The following APOLD1 variants were observed in gnomAD, a reference collection of about 807,000 sequenced individuals.
APOLD1 encodes apolipoprotein L domain containing 1.
Under a neutral mutation model 15.3 loss-of-function variants are expected in APOLD1, and 22 were observed. That is an observed-to-expected ratio of 1.44 (90% CI 1.03 to 2.05). The LOEUF (loss-of-function observed/expected upper bound fraction) is 2.05, where lower values mean the gene tolerates loss of function less well. Ranked by LOEUF, APOLD1 falls within the 30% of genes most tolerant of loss-of-function variation. The probability of loss-of-function intolerance (pLI) is 0.00; values close to 1 mark genes in which losing one functional copy is unlikely to be tolerated. For synonymous variants in APOLD1, 190 were observed against 167.4 expected, an observed-to-expected ratio of 1.13 and a Z score of -1.04; for missense variants, 394 against 353.5, an observed-to-expected ratio of 1.11 and a Z score of -0.92.
chr12:12,785,500 C>G, upstream of APOLD1: 1 of 800,614 alleles, frequency 1.2e-6, no homozygotes, highest in Non-Finnish European at 2.0e-6. Context: ...ACGGGATGTG[C>G]TGTGCTGGCA....
intron 1 of APOLD1, among the ~76,000 whole-genome samples, chr12:12,775,445 C>A: frequency 6.6e-6 from 1 of 152,090 alleles, no homozygotes; most frequent in East Asian, 1.9e-4. Context: ...AAACTGCAGA[C>A]TTTGGGCCAA....
At chr12:12,725,938 G>T in exon 1 of APOLD1, 2 of 1,346,242 alleles carry the variant, frequency 1.5e-6, no homozygotes, top group East Asian at 5.6e-5. Context: ...AGGCGGGGGT[G>T]CGCGGGGCGG....
chr12:12,730,491 G>T (rs1946629996), intron 1 of APOLD1, among the ~76,000 whole-genome samples: 1 of 151,502 alleles, frequency 6.6e-6, no homozygotes, highest in African/African-American at 2.4e-5. Flanking sequence ...GACCAGTCTG[G>T]ACAACATGGT....
At chr12:12,779,030 C>T (rs1220812170) in intron 1 of APOLD1, among the ~76,000 whole-genome samples, 1 of 152,162 alleles carries the variant, frequency 6.6e-6, no homozygotes, top group African/African-American at 2.4e-5. Context: ...TCCCTGCTTC[C>T]CACTTTATGT....
chr12:12,736,622 C>A (rs1230002483), intron 1 of APOLD1, among the ~76,000 whole-genome samples: 1 of 152,188 alleles, frequency 6.6e-6, no homozygotes, highest in Non-Finnish European at 1.5e-5. Flanking sequence ...TAATTGAAAT[C>A]CTTAGTCTTA....
At chr12:12,725,987 C>CA in exon 1 of APOLD1, 1 of 1,495,384 alleles carries the variant, frequency 6.7e-7, no homozygotes, top group Non-Finnish European at 8.9e-7. Flanking sequence ...AGATGTAACC[C>CA]AACTCGTTCA....
intron 1 of APOLD1, among the ~76,000 whole-genome samples, chr12:12,746,286 A>G (rs888404984): frequency 2.0e-5 from 3 of 152,224 alleles, no homozygotes; most frequent in African/African-American, 7.2e-5. Flanking sequence ...ACCTGAGGTC[A>G]GGAGTTCGAG....
intron 1 of APOLD1, among the ~76,000 whole-genome samples, chr12:12,757,480 T>A (rs936692171): frequency 6.6e-6 from 1 of 152,196 alleles, no homozygotes; most frequent in African/African-American, 2.4e-5. Context: ...CTTAACTTTT[T>A]AAACTGAAAC....
chr12:12,785,834 C>G, intron 1 of APOLD1, 140 bp downstream of exon 1: 1 of 804,866 alleles, frequency 1.2e-6, no homozygotes, highest in East Asian at 2.6e-5. Context: ...GATGAGGATT[C>G]TAGACTGGGC....
intron 1 of APOLD1, among the ~76,000 whole-genome samples, chr12:12,731,104 G>C (rs1320837297): frequency 6.6e-6 from 1 of 152,188 alleles, no homozygotes; most frequent in Non-Finnish European, 1.5e-5. Context: ...TCGCACCACT[G>C]CACTCCAGCC....
At chr12:12,730,007 C>G (rs1946623918) in intron 1 of APOLD1, among the ~76,000 whole-genome samples, 1 of 149,864 alleles carries the variant, frequency 6.7e-6, no homozygotes, top group Non-Finnish European at 1.5e-5. Context: ...TAGGTGCACA[C>G]CACCATGCCC....
chr12:12,785,721 T>C lies in APOLD1; in HGVS notation c.3+27T>C, dbSNP rs568675932. 49 of 1,605,340 alleles carry C rather than the reference T, an allele frequency of 3.1e-5. No homozygotes were observed. The South Asian group carries it at 4.9e-4, about 16-fold the overall frequency. ...TAAGTGGGGAACCCTGAGGCATATATTCGGGATGACTTTTTCTCATTTTCT... is the reference window on the plus strand; with the variant it reads ...TAAGTGGGGAACCCTGAGGCATATACTCGGGATGACTTTTTCTCATTTTCT... On this transcript the variant is annotated intron_variant, in intron 1 of 1. Transcript: ENST00000356591.
rs745785485 is a variant in APOLD1, at chr12:12,726,156, C to CAAAAAAA, written c.96+78_96+84dup. ...CCGGAAAAGAACACCTCTTCGCAAC[C>CAAAAAAA]AAAAAAAAAAAAAAAAAAAAAAAAG... On this transcript the variant is annotated intron_variant, in intron 1 of 1. Coordinates refer to the APOLD1 transcript ENST00000326765. 3.9e-3 allele frequency: 446 copies of CAAAAAAA among 113,310 alleles called. 1 individual carries two copies. The highest frequency in any genetic ancestry group is 4.9e-3 in the Non-Finnish European group (309 of 62,596). 7.0% of individuals were successfully genotyped at this position (113,310 alleles called of 1,614,324 possible). A position where few individuals can be genotyped will look rare whatever the true frequency, so the allele number is the denominator to read the frequency against.
At chr12:12,760,627 G>A (rs1357663181) in intron 1 of APOLD1, among the ~76,000 whole-genome samples, 33 of 131,418 alleles carry the variant, frequency 2.5e-4, no homozygotes, top group Non-Finnish European at 3.5e-4. Context: ...TGACAAAAGC[G>A]AAACTCTGTC....
At position 12,790,564 on chromosome 12, in the gene APOLD1, T is replaced by G. The variant is rs1278880319; in HGVS notation, c.*2912T>G. 1.3e-5 allele frequency: 2 copies of G among 152,188 alleles called. No homozygotes were observed. Among genetic ancestry groups the G allele is most frequent in the African/African-American group, 4.8e-5 (2 of 41,444 alleles). 9.4% of individuals were successfully genotyped at this position (152,188 alleles called of 1,614,324 possible). ...AGCAGCAAACTTTTCCTCTCATATT[T>G]TGGGTGTATCAAAAGTTCTAGACTT... is the stretch of plus-strand genomic sequence containing the variant. On this transcript the variant is annotated 3_prime_UTR_variant, in exon 2 of 2. Coordinates refer to ENST00000356591, the MANE Select transcript of APOLD1 (RefSeq NM_030817.3).
chr12:12,777,225 C>T (rs1947043394), intron 1 of APOLD1, among the ~76,000 whole-genome samples: 1 of 152,196 alleles, frequency 6.6e-6, no homozygotes, highest in Admixed American at 6.5e-5. Flanking sequence ...CACCCCTCTT[C>T]TCCCTGCCCA....
At chr12:12,782,207 C>T (rs1388184574), upstream of APOLD1, among the ~76,000 whole-genome samples, 3 of 152,062 alleles carry the variant, frequency 2.0e-5, no homozygotes, top group African/African-American at 4.8e-5. Context: ...TGCAGTGAGC[C>T]GAGATCGCAC....
intron 1 of APOLD1, among the ~76,000 whole-genome samples, chr12:12,730,680 T>TAAAAA (rs1172166554): frequency 1.0e-5 from 1 of 96,598 alleles, no homozygotes; most frequent in Non-Finnish European, 1.9e-5. Flanking sequence ...AGACTTCCTC[T>TAAAAA]AAAAAAAAAA....
intron 1 of APOLD1, among the ~76,000 whole-genome samples, chr12:12,727,473 AT>A (rs1247652059): frequency 1.3e-5 from 2 of 152,178 alleles, no homozygotes; most frequent in Non-Finnish European, 2.9e-5. Context: ...TTGAGGCCCC[AT>A]CTTTAAAAGT....
Sources: gnomAD v4.1 joint callset for allele counts (sites outside exome capture counted in the v4.1 genomes callset) on GRCh38, gnomAD v4.1.1 for gene constraint, MANE v1.5 for transcripts, NCBI Gene and HGNC (gene_info 2026-07-23, HGNC 2026-07-21) for gene names.